The following PTBP2 variants were observed in gnomAD, a reference collection of about 807,000 sequenced individuals.
PTBP2 encodes the protein polypyrimidine tract binding protein 2.
A neutral mutation model predicts 61.4 loss-of-function variants in PTBP2; 13 were observed. The observed-to-expected ratio is 0.21, with a 90% CI of 0.14 to 0.34. The LOEUF is 0.34. Ranked by LOEUF, PTBP2 falls within the 10% of genes least tolerant of loss-of-function variation. The pLI, the probability that PTBP2 is intolerant of heterozygous loss-of-function variation, is 1.00. For synonymous variants in PTBP2, 215 were observed against 218.5 expected, an observed-to-expected ratio of 0.98 and a Z score of 0.14; for missense variants, 405 against 642.6, an observed-to-expected ratio of 0.63 and a Z score of 4.00.
intron 8 of PTBP2, among the ~76,000 whole-genome samples, chr1:96,796,663 A>G (rs1660427480): frequency 6.6e-6 from 1 of 152,184 alleles, no homozygotes; most frequent in African/African-American, 2.4e-5. Flanking sequence ...GAAAGCATAG[A>G]CAGAATGTAA....
chr1:96,742,055 A>G (rs1435939047), intron 2 of PTBP2, among the ~76,000 whole-genome samples: 1 of 152,150 alleles, frequency 6.6e-6, no homozygotes, highest in Non-Finnish European at 1.5e-5. Flanking sequence ...CACTGCATTT[A>G]TTTTAAGATC....
At position 96,812,738 on chromosome 1, in the gene PTBP2, A is replaced by G; in HGVS notation, c.1198A>G (p.Met400Val). The G allele has an allele frequency of 6.2e-7, 1 of 1,602,768 alleles. No homozygotes were observed. Among genetic ancestry groups the G allele is most frequent in the Non-Finnish European group, 8.5e-7 (1 of 1,169,956 alleles). Reference sequence around the variant, plus strand: ...CATGAATCATCTTAATGGACAGAAAATGTATGGAAAAATTATTCGTGTTAC... The same window carrying G: ...CATGAATCATCTTAATGGACAGAAAGTGTATGGAAAAATTATTCGTGTTAC... Reference protein sequence around the residue: ...LAMNHLNGQKMYGKIIRVTLS... With the variant: ...LAMNHLNGQKVYGKIIRVTLS... The change falls in exon 12 of 14, where the codon ATG becomes GTG. Residue 400 changes from methionine (M) to valine (V), a missense_variant. Coordinates refer to ENST00000674951, the MANE Select transcript of PTBP2 (RefSeq NM_021190.4).
At chr1:96,725,378 C>T (rs990386335) in intron 2 of PTBP2, among the ~76,000 whole-genome samples, 4 of 149,172 alleles carry the variant, frequency 2.7e-5, no homozygotes, top group African/African-American at 9.8e-5. Flanking sequence ...TGGCTCACTA[C>T]AAGCTCCGCC....
intron 2 of PTBP2, among the ~76,000 whole-genome samples, chr1:96,738,725 G>C (rs1377192176): frequency 6.6e-6 from 1 of 152,084 alleles, no homozygotes; most frequent in African/African-American, 2.4e-5. Flanking sequence ...TCTCTCTTAT[G>C]TACAATTCAA....
intron 8 of PTBP2, 113 bp downstream of exon 8, chr1:96,785,367 T>A: frequency 1.2e-6 from 1 of 806,308 alleles, no homozygotes; most frequent in Non-Finnish European, 1.8e-6. Context: ...TTAGGTTTCG[T>A]GAGTTTTCTT....
intron 2 of PTBP2, among the ~76,000 whole-genome samples, chr1:96,728,491 A>T (rs1650908775): frequency 6.6e-6 from 1 of 151,948 alleles, no homozygotes; most frequent in South Asian, 2.1e-4. Context: ...AAAATCACTT[A>T]TGTCTGTATG....
chr1:96,775,280 C>T (rs911189331), intron 5 of PTBP2, among the ~76,000 whole-genome samples: 1 of 152,094 alleles, frequency 6.6e-6, no homozygotes, highest in African/African-American at 2.4e-5. Context: ...GTAGTAAACT[C>T]GCTCCTAGTT....
In PTBP2 at chr1:96,814,365, T is replaced by C. The variant is rs562959147; in HGVS notation, c.*960T>C. ...AACTGGTGCATGTATTTTTCAAAGA[T>C]AAAGAAAGTGTACTGCGAAAATATG... is the stretch of plus-strand genomic sequence containing the variant. On this transcript the variant is annotated 3_prime_UTR_variant, in exon 14 of 14. Coordinates refer to ENST00000674951, the MANE Select transcript of PTBP2 (RefSeq NM_021190.4). The C allele has an allele frequency of 6.6e-6, 1 of 152,656 alleles. No individual in the cohort carries two copies. The highest frequency in any genetic ancestry group is 2.1e-4 in the South Asian group (1 of 4,824). 9.5% of individuals were successfully genotyped at this position (152,656 alleles called of 1,614,324 possible).
At chr1:96,793,570 A>T (rs1485483878) in intron 8 of PTBP2, among the ~76,000 whole-genome samples, 1 of 151,868 alleles carries the variant, frequency 6.6e-6, no homozygotes, top group Non-Finnish European at 1.5e-5. Context: ...ACAGGCTTTC[A>T]CCGTGTTAGC....
chr1:96,804,119 A>G (rs1221823822), intron 8 of PTBP2, among the ~76,000 whole-genome samples: 1 of 152,236 alleles, frequency 6.6e-6, no homozygotes, highest in East Asian at 1.9e-4. Flanking sequence ...GGGAAAGGAT[A>G]GGAAAATACT....
intron 2 of PTBP2, among the ~76,000 whole-genome samples, chr1:96,740,312 A>C (rs972174796): frequency 6.6e-6 from 1 of 152,194 alleles, no homozygotes. Flanking sequence ...ACTTCTCTTG[A>C]AGTGAGGCCA....
intron 2 of PTBP2, among the ~76,000 whole-genome samples, chr1:96,733,150 C>T (rs1250676885): frequency 6.6e-6 from 1 of 151,370 alleles, no homozygotes; most frequent in Non-Finnish European, 1.5e-5. Flanking sequence ...TTCCTTTTTG[C>T]AGGATCTGGG....
At chr1:96,818,480 C>G (rs887717741), downstream of PTBP2, 1 of 152,016 alleles carries the variant, frequency 6.6e-6, no homozygotes, top group African/African-American at 2.4e-5. Flanking sequence ...AATATCTAGA[C>G]TAGCCTAGCT....
chr1:96,775,338 G>T (rs914856911), intron 5 of PTBP2, among the ~76,000 whole-genome samples: 6 of 152,142 alleles, frequency 3.9e-5, no homozygotes, highest in African/African-American at 1.4e-4. Flanking sequence ...ATATGTACAA[G>T]AAAGTTCATG....
At chr1:96,795,287 C>G (rs373909692) in intron 8 of PTBP2, among the ~76,000 whole-genome samples, 4 of 151,966 alleles carry the variant, frequency 2.6e-5, no homozygotes, top group Non-Finnish European at 5.9e-5. Flanking sequence ...AAGCTAGGAA[C>G]GTAAAATGAG....
intron 7 of PTBP2, among the ~76,000 whole-genome samples, chr1:96,781,752 C>T (rs976102055): frequency 2.0e-5 from 3 of 151,888 alleles, no homozygotes; most frequent in African/African-American, 7.2e-5. Flanking sequence ...ACCATGTCTG[C>T]TTTGCTTTCT....
At chr1:96,750,600 C>T (rs1654417838) in intron 2 of PTBP2, among the ~76,000 whole-genome samples, 1 of 151,840 alleles carries the variant, frequency 6.6e-6, no homozygotes, top group Non-Finnish European at 1.5e-5. Context: ...TCATTGCCTC[C>T]TTTGCACATT....
chr1:96,776,097 A>G (rs77169012), intron 5 of PTBP2, among the ~76,000 whole-genome samples: 2,910 of 152,094 alleles, frequency 0.019, 97 homozygotes, highest in African/African-American at 0.066. Flanking sequence ...TACCACTTTT[A>G]TACCATGATC....
intron 11 of PTBP2, among the ~76,000 whole-genome samples, chr1:96,811,485 T>TC (rs138918462): frequency 0.019 from 2,901 of 152,296 alleles, 96 homozygotes; most frequent in African/African-American, 0.066. Context: ...TGTGGCACCA[T>TC]CTCAGCTCAC....
Sources: allele counts gnomAD v4.1 joint callset (sites outside exome capture counted in the v4.1 genomes callset), GRCh38; gene constraint gnomAD v4.1.1; transcripts MANE v1.5; gene names NCBI Gene and HGNC (gene_info 2026-07-23, HGNC 2026-07-21).